The following SSUH2 variants were observed in gnomAD, a reference collection of about 807,000 sequenced individuals.
SSUH2 encodes the protein ssu-2 homolog.
Under a neutral mutation model 55.3 loss-of-function variants are expected in SSUH2, and 47 were observed. The ratio of observed to expected loss-of-function variants is 0.85; its 90% CI spans 0.67 to 1.08. The LOEUF (loss-of-function observed/expected upper bound fraction) is 1.08, where lower values mean the gene tolerates loss of function less well. Ranked by LOEUF, SSUH2 falls within the 50% of genes least tolerant of loss-of-function variation. SSUH2 has a pLI of 0.00. For synonymous variants in SSUH2, 212 were observed against 191.5 expected (o/e 1.11, Z -0.89); for missense variants, 535 against 490.7 (o/e 1.09, Z -0.85).
chr3:8,637,288 A>G (rs1320647269), intron 1 of SSUH2, among the ~76,000 whole-genome samples: 1 of 152,198 alleles, frequency 6.6e-6, no homozygotes, highest in African/African-American at 2.4e-5. Flanking sequence ...AGGCAAAACT[A>G]TGAAAAAATC....
chr3:8,673,147 TA>T (rs1439177904), intron 3 of SSUH2, among the ~76,000 whole-genome samples: 1 of 152,096 alleles, frequency 6.6e-6, no homozygotes, highest in Non-Finnish European at 1.5e-5. Context: ...TACTGTTTTC[TA>T]ATGAATAAGA....
intron 5 of SSUH2, 113 bp from the exon 6 acceptor site, chr3:8,631,042 C>T: frequency 8.7e-7 from 1 of 1,147,302 alleles, no homozygotes. Flanking sequence ...AGTCTAGATC[C>T]TGGGGCTACA....
At chr3:8,641,680 A>G (rs1003213879) in intron 1 of SSUH2, among the ~76,000 whole-genome samples, 8 of 152,226 alleles carry the variant, frequency 5.3e-5, no homozygotes, top group Non-Finnish European at 1.2e-4. Context: ...CTAGCTGGGA[A>G]AGCTGCATTC....
rs201659754 is a variant in SSUH2, at chr3:8,673,091, AG to A, written c.-752-1057del. Among the ~76,000 whole-genome samples the A allele has an allele frequency of 8.9e-4, 135 of 152,118 alleles. 1 individual carries two copies. In the East Asian group the frequency reaches 0.025, roughly 28 times the overall value. ...TTAATATTAAGAAATCATTGCTAAT[AG>A]TGTTCAGATTATTAATATTAATATT... On this transcript the variant is annotated intron_variant, in intron 3 of 18. Coordinates refer to the SSUH2 transcript ENST00000317371.
At chr3:8,672,584 C>A (rs1704714617) in intron 3 of SSUH2, among the ~76,000 whole-genome samples, 1 of 152,084 alleles carries the variant, frequency 6.6e-6, no homozygotes, top group Non-Finnish European at 1.5e-5. Context: ...AAGAATATCC[C>A]AGGATGGGTG....
At chr3:8,644,871 T>C (rs1392154571), upstream of SSUH2, 13 of 866,958 alleles carry the variant, frequency 1.5e-5, no homozygotes, top group African/African-American at 1.2e-4. Flanking sequence ...TGTTACCCAG[T>C]TGGAATACAA....
At chr3:8,678,614 C>CT (rs1253647609) in intron 2 of SSUH2, among the ~76,000 whole-genome samples, 1 of 73,212 alleles carries the variant, frequency 1.4e-5, no homozygotes, top group Admixed American at 1.4e-4. Context: ...GCCAGCCCTT[C>CT]TTCCCCCCCG....
intron 5 of SSUH2, among the ~76,000 whole-genome samples, chr3:8,667,294 A>G (rs1156624826): frequency 1.3e-5 from 2 of 152,204 alleles, no homozygotes; most frequent in African/African-American, 4.8e-5. Flanking sequence ...ACTTCTGGAC[A>G]TTGCCATGCC....
intron 7 of SSUH2, 192 bp downstream of exon 7, chr3:8,629,472 T>C: frequency 1.7e-6 from 1 of 592,346 alleles, no homozygotes; most frequent in Non-Finnish European, 3.0e-6. Flanking sequence ...AGTGAAAGTG[T>C]CATTAGAGAC....
intron 9 of SSUH2, 119 bp from the exon 10 acceptor site, chr3:8,625,766 C>T (rs938961420): frequency 1.2e-5 from 8 of 670,642 alleles, no homozygotes; most frequent in Non-Finnish European, 1.3e-5. Flanking sequence ...GACCTTGCAA[C>T]AGTTCTGTAG....
At chr3:8,638,939 C>T (rs1481043177) in intron 1 of SSUH2, among the ~76,000 whole-genome samples, 1 of 152,164 alleles carries the variant, frequency 6.6e-6, no homozygotes, top group Non-Finnish European at 1.5e-5. Flanking sequence ...GGAAACCAAA[C>T]AAAAGGGGCA....
intron 5 of SSUH2, among the ~76,000 whole-genome samples, chr3:8,670,345 C>A (rs1266010522): frequency 6.6e-6 from 1 of 151,944 alleles, no homozygotes; most frequent in African/African-American, 2.4e-5. Flanking sequence ...AAGAAACATC[C>A]CCCTAGGATA....
intron 10 of SSUH2, 22 bp downstream of exon 10, chr3:8,625,520 C>G (rs1444008435): frequency 6.7e-7 from 1 of 1,496,290 alleles, no homozygotes; most frequent in Non-Finnish European, 9.3e-7. Context: ...TTCCTTTGTT[C>G]CCATCTACAA....
chr3:8,671,825 A>G (rs1387375282), intron 4 of SSUH2: 3 of 150,024 alleles, frequency 2.0e-5, no homozygotes, highest in Non-Finnish European at 4.4e-5. Flanking sequence ...CCTGGATATT[A>G]CGATCCACAT....
At chr3:8,643,563 C>T (rs902091952) in intron 1 of SSUH2, among the ~76,000 whole-genome samples, 1 of 152,022 alleles carries the variant, frequency 6.6e-6, no homozygotes, top group Non-Finnish European at 1.5e-5. Context: ...AAAAAGATTC[C>T]AACAAAATTT....
In SSUH2 at chr3:8,635,365, G is replaced by A; in HGVS notation, c.144C>T (p.Phe48=). Reference sequence around the variant, plus strand: ...GCCTCCCTGGGGCCTCCAAAGGTGGGAAGAATATCTGTCCTCCTGGAGAAG... The same window carrying A: ...GCCTCCCTGGGGCCTCCAAAGGTGGAAAGAATATCTGTCCTCCTGGAGAAG... ...LLQGGRGQIF[F]PPLEAPGRPQ... The change falls in exon 3 of 12, where the codon TTC becomes TTT. Residue 48 remains phenylalanine (F), a synonymous_variant. Transcript: ENST00000544814. 6.5e-7 allele frequency: 1 copy of A among 1,535,984 alleles called. No homozygotes were observed. The highest frequency in any genetic ancestry group is 8.7e-7 in the Non-Finnish European group (1 of 1,146,796).
chr3:8,629,633 C>CTGACTGACCAGTGGTTCACAGA, intron 7 of SSUH2, 31 bp downstream of exon 7: 1 of 1,587,726 alleles, frequency 6.3e-7, no homozygotes, highest in South Asian at 1.1e-5. Flanking sequence ...CACACCCTCA[C>CTGACTGACCAGTGGTTCACAGA]TGACTCACCA....
chr3:8,670,769 G>A (rs1704479105), intron 5 of SSUH2, among the ~76,000 whole-genome samples: 1 of 151,818 alleles, frequency 6.6e-6, no homozygotes, highest in Non-Finnish European at 1.5e-5. Context: ...GTAACATCCC[G>A]CCAGGATATG....
At chr3:8,679,179 C>CG (rs1355171707) in intron 2 of SSUH2, among the ~76,000 whole-genome samples, 2 of 5,628 alleles carry the variant, frequency 3.6e-4, no homozygotes, top group East Asian at 0.05. Context: ...CGCTGTTCCC[C>CG]CACACTGGCT....
Sources: allele counts gnomAD v4.1 joint callset (sites outside exome capture counted in the v4.1 genomes callset), GRCh38; gene constraint gnomAD v4.1.1; transcripts MANE v1.5; gene names NCBI Gene and HGNC (gene_info 2026-07-23, HGNC 2026-07-21).